Variants in CNTN5 observed in about 807,000 individuals in gnomAD.
CNTN5 encodes contactin-5.
A neutral mutation model predicts 129.1 loss-of-function variants in CNTN5; 77 were observed. That is an observed-to-expected ratio of 0.60 (90% CI 0.50 to 0.72). The LOEUF is 0.72. Ranked by LOEUF, CNTN5 falls within the 30% of genes least tolerant of loss-of-function variation. The pLI is 0.00. For missense variants in CNTN5, 1,478 were observed against 1,328.8 expected (o/e 1.11, Z -1.75); for synonymous variants, 509 against 465.6 (o/e 1.09, Z -1.20).
At chr11:100,348,761 C>A (rs1952340613) in intron 23 of CNTN5, among the ~76,000 whole-genome samples, 1 of 152,018 alleles carries the variant, frequency 6.6e-6, no homozygotes. Context: ...CTGCTTAAGG[C>A]ATCCTCCAGG....
intron 1 of CNTN5, among the ~76,000 whole-genome samples, chr11:99,052,145 A>G (rs1864451277): frequency 6.6e-6 from 1 of 151,844 alleles, no homozygotes. Context: ...GGTTATATGT[A>G]AGGATATTGT....
At chr11:99,699,178 C>T (rs1351916739) in intron 3 of CNTN5, among the ~76,000 whole-genome samples, 1 of 151,232 alleles carries the variant, frequency 6.6e-6, no homozygotes, top group African/African-American at 2.4e-5. Flanking sequence ...CAATTTCTTA[C>T]AAAAGCAAAT....
At chr11:99,281,378 G>C (rs185656770) in intron 1 of CNTN5, among the ~76,000 whole-genome samples, 148 of 152,004 alleles carry the variant, frequency 9.7e-4, no homozygotes, top group African/African-American at 3.5e-3. Flanking sequence ...ATATTCAAGG[G>C]CTCAAAATGT....
intron 1 of CNTN5, among the ~76,000 whole-genome samples, chr11:99,284,193 T>G (rs575570235): frequency 6.6e-6 from 1 of 152,256 alleles, no homozygotes; most frequent in Non-Finnish European, 1.5e-5. Context: ...TTTTGGAATT[T>G]ATTGGAAATT....
chr11:99,911,153 T>A (rs1276793873), intron 6 of CNTN5, among the ~76,000 whole-genome samples: 1 of 152,048 alleles, frequency 6.6e-6, no homozygotes, highest in Non-Finnish European at 1.5e-5. Flanking sequence ...ATAATTTGCC[T>A]TTTCAATGGT....
intron 2 of CNTN5, among the ~76,000 whole-genome samples, chr11:99,341,517 G>A (rs1178747395): frequency 6.6e-6 from 1 of 152,140 alleles, no homozygotes; most frequent in East Asian, 1.9e-4. Context: ...TGCATGATTT[G>A]GAGCAAACCT....
chr11:99,664,796 C>T (rs1228007078), intron 3 of CNTN5, among the ~76,000 whole-genome samples: 1 of 152,060 alleles, frequency 6.6e-6, no homozygotes, highest in Non-Finnish European at 1.5e-5. Flanking sequence ...ATATTTATTA[C>T]TACTGAAATT....
intron 15 of CNTN5, among the ~76,000 whole-genome samples, chr11:100,213,074 G>T (rs972706708): frequency 2.0e-5 from 3 of 151,954 alleles, no homozygotes; most frequent in Non-Finnish European, 4.4e-5. Context: ...TAAAGTTAAA[G>T]ATTTTCTCTA....
chr11:100,037,889 A>G (rs1265792881), intron 9 of CNTN5, among the ~76,000 whole-genome samples: 4 of 152,020 alleles, frequency 2.6e-5, no homozygotes, highest in East Asian at 3.9e-4. Flanking sequence ...CTGGCGGTCT[A>G]TCAATTTTGT....
At chr11:100,063,415 A>C (rs1943562478) in intron 10 of CNTN5, among the ~76,000 whole-genome samples, 1 of 151,954 alleles carries the variant, frequency 6.6e-6, no homozygotes, top group Non-Finnish European at 1.5e-5. Context: ...CCTTAGAAAG[A>C]GAAACTGGGC....
intron 1 of CNTN5, among the ~76,000 whole-genome samples, chr11:99,179,132 T>A (rs1857921118): frequency 6.6e-6 from 1 of 152,172 alleles, no homozygotes; most frequent in Non-Finnish European, 1.5e-5. Flanking sequence ...GAAATATAAA[T>A]TGAAATTTAA....
chr11:100,132,933 CAT>C (rs1196554835), intron 13 of CNTN5, among the ~76,000 whole-genome samples: 1 of 151,978 alleles, frequency 6.6e-6, no homozygotes, highest in Non-Finnish European at 1.5e-5. Context: ...AAAGGCAACT[CAT>C]ATTTTCTATT....
At chr11:99,819,902 G>T (rs1353618272) in intron 4 of CNTN5, 137 bp downstream of exon 4, 4 of 666,286 alleles carry the variant, frequency 6.0e-6, no homozygotes, top group Admixed American at 2.8e-5. Context: ...ATGAAAGCAG[G>T]AGAGTTTTTA....
At chr11:99,443,222 T>G (rs1406664488) in intron 2 of CNTN5, among the ~76,000 whole-genome samples, 1 of 152,198 alleles carries the variant, frequency 6.6e-6, no homozygotes, top group African/African-American at 2.4e-5. Context: ...CTCAGACAAA[T>G]GAAAACATGG....
intron 6 of CNTN5, among the ~76,000 whole-genome samples, chr11:99,909,448 A>G (rs991593668): frequency 1.3e-5 from 2 of 152,120 alleles, no homozygotes; most frequent in Admixed American, 1.3e-4. Flanking sequence ...TGACTCAACC[A>G]TCCCATTACT....
chr11:99,415,537 A>G (rs1296480128), intron 2 of CNTN5, among the ~76,000 whole-genome samples: 2 of 152,110 alleles, frequency 1.3e-5, no homozygotes, highest in African/African-American at 4.8e-5. Context: ...GGGGAAAGTT[A>G]AAGTAATACT....
chr11:99,089,927 T>C (rs771879290), intron 1 of CNTN5, among the ~76,000 whole-genome samples: 4 of 152,236 alleles, frequency 2.6e-5, no homozygotes, highest in African/African-American at 9.6e-5. Context: ...AGTTTTTCAA[T>C]GGTTTTCCTA....
intron 7 of CNTN5, among the ~76,000 whole-genome samples, chr11:99,919,029 A>G (rs1185707884): frequency 1.3e-5 from 2 of 152,170 alleles, no homozygotes; most frequent in Non-Finnish European, 1.5e-5. Flanking sequence ...GAGGCAGGAC[A>G]CAGTAGCAGG....
intron 1 of CNTN5, among the ~76,000 whole-genome samples, chr11:99,123,748 T>C (rs180915602): frequency 3.3e-5 from 5 of 151,998 alleles, no homozygotes; most frequent in Non-Finnish European, 5.9e-5. Context: ...GGGGTCCAAT[T>C]TCAATCTTCT....
Sources: gnomAD v4.1 joint callset for allele counts (sites outside exome capture counted in the v4.1 genomes callset) on GRCh38, gnomAD v4.1.1 for gene constraint, MANE v1.5 for transcripts, NCBI Gene and HGNC (gene_info 2026-07-23, HGNC 2026-07-21) for gene names.